Variants in FASTKD5 observed in about 807,000 individuals in gnomAD.
FASTKD5 encodes the protein FAST kinase domains 5.
FASTKD5 carries 30 observed loss-of-function variants against 44.0 expected under a neutral mutation model. That is an observed-to-expected ratio of 0.68 (90% confidence interval 0.51 to 0.93). The LOEUF (loss-of-function observed/expected upper bound fraction) is 0.93. Ranked by LOEUF, FASTKD5 falls within the 40% of genes least tolerant of loss-of-function variation. FASTKD5 has a pLI of 0.00. For missense variants in FASTKD5, 868 were observed against 908.2 expected (o/e 0.96, Z 0.57); for synonymous variants, 335 against 342.2 (o/e 0.98, Z 0.23).
At position 3,147,320 on chromosome 20, in the gene FASTKD5, T is replaced by C; in HGVS notation, c.1751A>G (p.His584Arg). ...QYVKHHMILP[H>R]TRSSDLEVQL... ...GACCTCTAAGTCAGAAGATCGGGTA[T>C]GAGGCAAAATCATATGGTGCTTGAC... is the stretch of plus-strand genomic sequence containing the variant. Residue 584 changes from histidine (H) to arginine (R), a missense_variant, in exon 2 of 2, where the codon CAT becomes CGT. Coordinates refer to ENST00000380266, the MANE Select transcript of FASTKD5 (RefSeq NM_021826.5). 1 of 1,614,210 alleles carries C rather than the reference T, an allele frequency of 6.2e-7. No individual in the cohort carries two copies. The highest frequency in any genetic ancestry group is 8.5e-7 in the Non-Finnish European group (1 of 1,180,046).
chr20:3,150,637 T>G (rs1053059703), intron 1 of FASTKD5: 6 of 152,124 alleles, frequency 3.9e-5, no homozygotes, highest in African/African-American at 1.4e-4. Context: ...GTTCCAAGGG[T>G]GCCAGAATGA....
chr20:3,154,225 G>A (rs977997968), intron 1 of FASTKD5, among the ~76,000 whole-genome samples: 1 of 152,184 alleles, frequency 6.6e-6, no homozygotes, highest in African/African-American at 2.4e-5. Context: ...AGAGCAACCA[G>A]CTCATGCTGG....
rs1228524723 is a variant in FASTKD5 at position 3,147,655 on chromosome 20, C to T, written c.1416G>A (p.Leu472=). ...ATGCCAGGCCCAGCAGGCAGGTGGGCAGGTGTTCTGGGTACTGGTTGAATT... is the reference window on the plus strand; with the variant it reads ...ATGCCAGGCCCAGCAGGCAGGTGGGTAGGTGTTCTGGGTACTGGTTGAATT... ...MPEFNQYPEH[L]PTCLLGLAFL... The change falls in exon 2 of 2, where the codon CTG becomes CTA. Residue 472 remains leucine, a synonymous_variant. Coordinates refer to ENST00000380266, the MANE Select transcript of FASTKD5 (RefSeq NM_021826.5). The T allele has an allele frequency of 1.2e-6, 2 of 1,614,128 alleles. No homozygotes were observed.
chr20:3,158,816 G>C (rs2066716811), intron 1 of FASTKD5, among the ~76,000 whole-genome samples: 2 of 152,192 alleles, frequency 1.3e-5, no homozygotes, highest in South Asian at 4.1e-4. Flanking sequence ...AACTATCCAA[G>C]GACTTGCCCA....
intron 1 of FASTKD5, among the ~76,000 whole-genome samples, chr20:3,153,721 C>T (rs180715579): frequency 8.5e-5 from 13 of 152,312 alleles, no homozygotes; most frequent in South Asian, 2.1e-4. Flanking sequence ...TAACAGTCTA[C>T]GATTCTATCA....
At chr20:3,157,903 G>GT (rs1282973769) in intron 1 of FASTKD5, among the ~76,000 whole-genome samples, 49 of 148,160 alleles carry the variant, frequency 3.3e-4, no homozygotes, top group East Asian at 9.8e-4. Flanking sequence ...GAATTCTTTT[G>GT]TTTTTTTTTT....
chr20:3,159,843 C>T lies in FASTKD5; in HGVS notation c.-268G>A, dbSNP rs553657959. The T allele has an allele frequency of 8.5e-4, 129 of 152,432 alleles. 1 individual carries two copies. Among genetic ancestry groups the T allele is most frequent in the Admixed American group, 3.4e-3 (52 of 15,312 alleles). 9.4% of individuals were successfully genotyped at this position (152,432 alleles called of 1,614,324 possible). On this transcript the variant is annotated 5_prime_UTR_variant, in exon 1 of 2. Coordinates refer to ENST00000380266, the MANE Select transcript of FASTKD5 (RefSeq NM_021826.5). ...GGCGGCGACACAGATACTGGCTCCT[C>T]CGGCGACTCCGAGCCTCACAGCCCC...
intron 1 of FASTKD5, chr20:3,150,439 C>G (rs1019590605): frequency 4.6e-5 from 7 of 152,164 alleles, no homozygotes; most frequent in African/African-American, 1.7e-4. Flanking sequence ...CAGTATAATG[C>G]CCATTTTTCT....
Position 3,148,141 on chromosome 20 carries a change from T to C in FASTKD5, c.930A>G (p.Ile310Met). The C allele has an allele frequency of 6.2e-7, 1 of 1,613,842 alleles. No individual in the cohort carries two copies. The highest frequency in any genetic ancestry group is 8.5e-7 in the Non-Finnish European group (1 of 1,179,962). Reference sequence around the variant, plus strand: ...CAACCTCCTCCAAATTGATCAAATCTATATATTTAAGGATCAATGATTCCA... The same window carrying C: ...CAACCTCCTCCAAATTGATCAAATCCATATATTTAAGGATCAATGATTCCA... ...QKLESLILKY[I>M]DLINLEEVGT... Residue 310 changes from isoleucine to methionine, a missense_variant, in exon 2 of 2, where the codon ATA becomes ATG. Transcript: ENST00000380266.
In FASTKD5 at chr20:3,148,894, T is replaced by C. The variant is rs919661639; in HGVS notation, c.177A>G (p.Ile59Met). ...TTCTCCGAGAAGAGAAGGTGCTACA[T>C]ATGTTCTTAACTTTTTTGGCAGAAT... Reference protein sequence around the residue: ...LCHSAKKVKNICSTFSSRRIL... With the variant: ...LCHSAKKVKNMCSTFSSRRIL... Residue 59 changes from isoleucine (I) to methionine (M), a missense_variant, in exon 2 of 2, where the codon ATA becomes ATG. Transcript: ENST00000380266. 1 of 1,614,068 alleles carries C rather than the reference T, an allele frequency of 6.2e-7. No homozygotes were observed. The highest frequency in any genetic ancestry group is 1.3e-5 in the African/African-American group (1 of 74,922).
At position 3,149,816 on chromosome 20, in the gene FASTKD5, A is replaced by C. The variant is rs2066606106; in HGVS notation, c.-190-556T>G. The stretch of plus-strand genomic sequence containing the variant: ...GCAGATCACTTGAGGTCAGGAGTTC[A>C]AGACCAGCCTGGCCAACAAGGCGAA... On this transcript the variant is annotated intron_variant, in intron 1 of 1. Transcript: ENST00000380266. The surrounding 1 kb of genome is among the most constrained non-coding windows in gnomAD (Gnocchi z 4.1). Among the ~76,000 whole-genome samples the C allele has an allele frequency of 6.6e-6, 1 of 152,108 alleles. No individual in the cohort carries two copies. The highest frequency in any genetic ancestry group is 2.4e-5 in the African/African-American group (1 of 41,420).
intron 1 of FASTKD5, among the ~76,000 whole-genome samples, chr20:3,150,312 T>C (rs1364261232): frequency 6.6e-6 from 1 of 151,924 alleles, no homozygotes; most frequent in Admixed American, 6.6e-5. Flanking sequence ...AAGCAAAGAG[T>C]ACCCCAAAGC....
chr20:3,157,782 T>C (rs2066701979), intron 1 of FASTKD5, among the ~76,000 whole-genome samples: 2 of 152,230 alleles, frequency 1.3e-5, no homozygotes, highest in African/African-American at 2.4e-5. Context: ...ATGGTCCAAG[T>C]ACCTATAACT....
rs766886179 is a variant in FASTKD5 at position 3,148,822 on chromosome 20, A to AT, written c.248_249insA (p.Ser84PhefsTer4). On this transcript the variant is annotated frameshift_variant, in exon 2 of 2. Transcript: ENST00000380266. LOFTEE classifies it high-confidence loss of function. ...GCAATGTACTGGCCTTAGAGGAAGA[A>AT]GTCTTGCTGAATTCCAAACCTGGGT... is the stretch of plus-strand genomic sequence containing the variant. 46 of 1,614,100 alleles carry AT rather than the reference A, an allele frequency of 2.8e-5. No homozygotes were observed. In the South Asian group the frequency reaches 5.0e-4, roughly 18 times the overall value.
At chr20:3,154,607 CA>C (rs1230581747) in intron 1 of FASTKD5, among the ~76,000 whole-genome samples, 5 of 151,986 alleles carry the variant, frequency 3.3e-5, no homozygotes, top group Non-Finnish European at 7.4e-5. Context: ...TGCTTGAGCC[CA>C]AAAAGTTAAG....
Position 3,147,093 on chromosome 20 carries a change from T to A in FASTKD5, c.1978A>T (p.Lys660Ter). 1 of 1,614,120 alleles carries A rather than the reference T, an allele frequency of 6.2e-7. No homozygotes were observed. Among genetic ancestry groups the A allele is most frequent in the Middle Eastern group, 1.6e-4 (1 of 6,062 alleles). ...AAGCCCCCCAGAGGTACAGCTGCCTTATTCTCCAACTCCATGGGCTGCTGC... is the reference window on the plus strand; with the variant it reads ...AAGCCCCCCAGAGGTACAGCTGCCTAATTCTCCAACTCCATGGGCTGCTGC... ...PGQQPMELEN[K>*]AAVPLGGFLC... Residue 660 changes from lysine to a stop codon, truncating the protein, a stop_gained, in exon 2 of 2, where the codon AAG (lysine) becomes TAG (stop). Coordinates refer to ENST00000380266, the MANE Select transcript of FASTKD5 (RefSeq NM_021826.5). LOFTEE classifies it high-confidence loss of function.
In FASTKD5 at chr20:3,148,255, G is replaced by C; in HGVS notation, c.816C>G (p.His272Gln). The change falls in exon 2 of 2, where the codon CAC (histidine) becomes CAG (glutamine). Residue 272 changes from histidine (H) to glutamine (Q), a missense_variant. His to Gln is a conservative substitution (Grantham distance 24). Transcript: ENST00000380266. ...GCTGAGACAAGGATAGATCCTTCCA[G>C]TGCAAATTAAGATAACTAGAAAAAA... is the stretch of plus-strand genomic sequence containing the variant. Reference protein sequence around the residue: ...LNIFSSYLNLHWKDLSLSQLV... With the variant: ...LNIFSSYLNLQWKDLSLSQLV... 1 of 1,612,452 alleles carries C rather than the reference G, an allele frequency of 6.2e-7. No individual in the cohort carries two copies. The highest frequency in any genetic ancestry group is 8.5e-7 in the Non-Finnish European group (1 of 1,179,702).
chr20:3,148,246 ATCCT>A lies in FASTKD5; in HGVS notation c.821_824del (p.Lys274IlefsTer7). On this transcript the variant is annotated frameshift_variant, in exon 2 of 2. Transcript: ENST00000380266. LOFTEE classifies it high-confidence loss of function. ...AGTGAACTAGCTGAGACAAGGATAG[ATCCT>A]TCCAGTGCAAATTAAGATAACTAGA... is the stretch of plus-strand genomic sequence containing the variant. 6.2e-7 allele frequency: 1 copy of A among 1,613,512 alleles called. No individual in the cohort carries two copies. Among genetic ancestry groups the A allele is most frequent in the South Asian group, 1.1e-5 (1 of 90,918 alleles).
At chr20:3,154,746 A>G (rs975025632) in intron 1 of FASTKD5, among the ~76,000 whole-genome samples, 1 of 152,234 alleles carries the variant, frequency 6.6e-6, no homozygotes, top group Non-Finnish European at 1.5e-5. Flanking sequence ...GTTGAGAATA[A>G]TACTAACATA....
Sources: gnomAD v4.1 joint callset for allele counts (sites outside exome capture counted in the v4.1 genomes callset) on GRCh38, gnomAD v4.1.1 for gene constraint, Gnocchi (gnomAD v3.1) non-coding constraint, MANE v1.5 for transcripts, NCBI Gene and HGNC (gene_info 2026-07-23, HGNC 2026-07-21) for gene names.